The following CNPY1 variants were observed in gnomAD, a reference collection of about 807,000 sequenced individuals.
CNPY1 encodes protein canopy homolog 1.
A neutral mutation model predicts 14.4 loss-of-function variants in CNPY1; 14 were observed. The observed-to-expected ratio is 0.97, with a 90% CI of 0.64 to 1.52. The LOEUF (loss-of-function observed/expected upper bound fraction) is 1.52, where lower values mean the gene tolerates loss of function less well. Ranked by LOEUF, CNPY1 falls within the 40% of genes most tolerant of loss-of-function variation. CNPY1 has a pLI of 0.00. For synonymous variants in CNPY1, 43 were observed against 46.5 expected, an observed-to-expected ratio of 0.92 and a Z score of 0.31; for missense variants, 129 against 131.5, an observed-to-expected ratio of 0.98 and a Z score of 0.09.
rs1796134080 is a variant in CNPY1, at chr7:155,502,072, A to G, written c.*996T>C. ...AGACAATGAGAATCTCTTTTTAGAA[A>G]CTGGTGTAGACCATACCCTGACATT... On this transcript the variant is annotated 3_prime_UTR_variant, in exon 5 of 5. Coordinates refer to ENST00000636446, the MANE Select transcript of CNPY1 (RefSeq NM_001393663.1). 1.3e-5 allele frequency: 2 copies of G among 152,312 alleles called. No homozygotes were observed. The highest frequency in any genetic ancestry group is 4.8e-5 in the African/African-American group (2 of 41,562). 9.4% of individuals were successfully genotyped at this position (152,312 alleles called of 1,614,324 possible).
At chr7:155,533,578 T>C (rs1019503480) in intron 2 of CNPY1, among the ~76,000 whole-genome samples, 7 of 152,150 alleles carry the variant, frequency 4.6e-5, no homozygotes, top group African/African-American at 1.7e-4. Flanking sequence ...GGCCCGTCGC[T>C]TCGCTCCGTC....
chr7:155,514,202 C>T (rs1461537174), intron 2 of CNPY1, among the ~76,000 whole-genome samples: 1 of 152,210 alleles, frequency 6.6e-6, no homozygotes, highest in Non-Finnish European at 1.5e-5. Context: ...TACTGAACTC[C>T]ATCTAATGTC....
intron 2 of CNPY1, among the ~76,000 whole-genome samples, chr7:155,521,572 C>T (rs1425240668): frequency 2.0e-5 from 3 of 152,224 alleles, no homozygotes; most frequent in African/African-American, 7.2e-5. Context: ...CAGCCTCCCT[C>T]TTATACAGAG....
At chr7:155,517,432 C>A (rs1796642187) in intron 2 of CNPY1, among the ~76,000 whole-genome samples, 1 of 152,212 alleles carries the variant, frequency 6.6e-6, no homozygotes, top group African/African-American at 2.4e-5. Context: ...ACTTGTTATA[C>A]AGCTGCAGCT....
chr7:155,514,186 A>G (rs1796574721), intron 2 of CNPY1, among the ~76,000 whole-genome samples: 1 of 152,238 alleles, frequency 6.6e-6, no homozygotes, highest in East Asian at 1.9e-4. Flanking sequence ...TCATTCAACA[A>G]ATATTTACTG....
chr7:155,503,577 T>TA (rs1189797141), intron 4 of CNPY1, among the ~76,000 whole-genome samples: 2 of 152,214 alleles, frequency 1.3e-5, no homozygotes, highest in Admixed American at 1.3e-4. Flanking sequence ...ACATAACTTT[T>TA]AAAAAATATG....
Position 155,526,677 on chromosome 7 carries a change from C to T in CNPY1, c.100-17580G>A, listed in dbSNP as rs533069759. Among the ~76,000 whole-genome samples, 32 of 152,316 alleles carry T rather than the reference C, an allele frequency of 2.1e-4. No homozygotes were observed. The South Asian group carries it at 6.6e-3, about 32-fold the overall frequency. On this transcript the variant is annotated intron_variant, in intron 2 of 4. Transcript: ENST00000636446. ...GGGAATAAAGGCAATAGCGAAATACCATCTTTCACTGGTTAGATTACCAAA... is the reference window on the plus strand; with the variant it reads ...GGGAATAAAGGCAATAGCGAAATACTATCTTTCACTGGTTAGATTACCAAA...
At position 155,507,016 on chromosome 7, in the gene CNPY1, G is replaced by GT; in HGVS notation, c.400+3dup. ...GCGAGCACATGTTACATCAGACACA[G>GT]TACCTGATTTTTCACTGCACAGCTT... On this transcript the variant is annotated splice_donor_region_variant and intron_variant, in intron 4 of 4. Transcript: ENST00000636446. 2 of 1,589,284 alleles carry GT rather than the reference G, an allele frequency of 1.3e-6. No individual in the cohort carries two copies. The highest frequency in any genetic ancestry group is 1.7e-6 in the Non-Finnish European group (2 of 1,157,952).
chr7:155,519,377 T>A (rs1249989284), intron 2 of CNPY1, among the ~76,000 whole-genome samples: 2 of 151,884 alleles, frequency 1.3e-5, no homozygotes, highest in African/African-American at 4.8e-5. Context: ...CAAAATTAGC[T>A]GGGCATGGTG....
At chr7:155,505,188 A>T (rs368585276) in intron 4 of CNPY1, among the ~76,000 whole-genome samples, 1 of 152,196 alleles carries the variant, frequency 6.6e-6, no homozygotes, top group East Asian at 1.9e-4. Flanking sequence ...ACACCCATAA[A>T]TATGTTTCAT....
intron 2 of CNPY1, among the ~76,000 whole-genome samples, chr7:155,538,505 C>T (rs940902681): frequency 6.6e-6 from 1 of 151,736 alleles, no homozygotes; most frequent in African/African-American, 2.4e-5. Context: ...CTGCTAACCC[C>T]AGACTCTGCC....
intron 2 of CNPY1, among the ~76,000 whole-genome samples, chr7:155,512,889 T>C (rs1431916454): frequency 6.6e-6 from 1 of 152,234 alleles, no homozygotes; most frequent in East Asian, 1.9e-4. Context: ...TTTCTAGAGG[T>C]TTAGTTAATG....
chr7:155,516,111 T>G (rs911171408), intron 2 of CNPY1, among the ~76,000 whole-genome samples: 13 of 152,106 alleles, frequency 8.5e-5, no homozygotes, highest in Middle Eastern at 3.2e-3. Flanking sequence ...CTAAGAGGAC[T>G]CATTCTGTGT....
intron 2 of CNPY1, among the ~76,000 whole-genome samples, chr7:155,510,835 G>A (rs1796514529): frequency 6.6e-6 from 1 of 152,204 alleles, no homozygotes; most frequent in Admixed American, 6.5e-5. Flanking sequence ...TTAATTTACA[G>A]AAACAAATAA....
intron 2 of CNPY1, among the ~76,000 whole-genome samples, chr7:155,521,605 A>G (rs910993297): frequency 6.6e-6 from 1 of 152,238 alleles, no homozygotes; most frequent in African/African-American, 2.4e-5. Flanking sequence ...CGCCTTGTTT[A>G]TGTACAGCCC....
intron 2 of CNPY1, among the ~76,000 whole-genome samples, chr7:155,526,299 G>A (rs529122886): frequency 1.3e-5 from 2 of 152,264 alleles, no homozygotes; most frequent in Admixed American, 1.3e-4. Context: ...CCTCCATGTC[G>A]ACTCCACAGG....
intron 2 of CNPY1, among the ~76,000 whole-genome samples, chr7:155,528,857 A>G (rs7792686): frequency 0.58 from 87,462 of 151,980 alleles, 25,435 homozygotes; most frequent in Admixed American, 0.61. Flanking sequence ...TCAGGAGATC[A>G]AGACCATCCT....
intron 2 of CNPY1, 44 bp from the exon 3 acceptor site, chr7:155,509,141 G>A: frequency 8.0e-7 from 1 of 1,248,340 alleles, no homozygotes; most frequent in Non-Finnish European, 1.1e-6. Context: ...TAATGTTAAT[G>A]TTACTTCAAA....
At position 155,529,572 on chromosome 7, in the gene CNPY1, C is replaced by T. The variant is rs1451986122; in HGVS notation, c.99+16259G>A. ...CCCTCGGCATTCCTTGGCTTATGGACGCATCACTGCCCCTCTGCCTCCCAG... is the reference window on the plus strand; with the variant it reads ...CCCTCGGCATTCCTTGGCTTATGGATGCATCACTGCCCCTCTGCCTCCCAG... On this transcript the variant is annotated intron_variant, in intron 2 of 4. Transcript: ENST00000636446. 5.3e-5 allele frequency among the ~76,000 whole-genome samples: 8 copies of T among 152,060 alleles called. No individual in the cohort carries two copies. In the South Asian group the frequency reaches 8.3e-4, roughly 16 times the overall value.
Sources: allele counts gnomAD v4.1 joint callset (sites outside exome capture counted in the v4.1 genomes callset), GRCh38; gene constraint gnomAD v4.1.1; transcripts MANE v1.5; gene names NCBI Gene and HGNC (gene_info 2026-07-23, HGNC 2026-07-21).